The following ADAMTS13 variants were observed in gnomAD, a reference collection of about 807,000 sequenced individuals.
The protein encoded by ADAMTS13 is ADAM metallopeptidase with thrombospondin type 1 motif 13, also known as A disintegrin and metalloproteinase with thrombospondin motifs 13.
A neutral mutation model predicts 155.1 loss-of-function variants in ADAMTS13; 110 were observed. The ratio of observed to expected loss-of-function variants is 0.71; its 90% CI spans 0.61 to 0.83. The LOEUF is 0.83. ADAMTS13 is among the 40% of genes least tolerant of loss of function. The pLI is 0.00. For synonymous variants in ADAMTS13, 758 were observed against 756.4 expected, an observed-to-expected ratio of 1.00 and a Z score of -0.03; for missense variants, 1,707 against 1,891.7, an observed-to-expected ratio of 0.90 and a Z score of 1.81.
In ADAMTS13 at chr9:133,442,518, G is replaced by C. The variant is rs782288267; in HGVS notation, c.2088G>C (p.Ser696=). The C allele has an allele frequency of 1.2e-6, 2 of 1,613,650 alleles. No homozygotes were observed. The highest frequency in any genetic ancestry group is 1.1e-5 in the South Asian group (1 of 91,082). ...GGGCCGCTGTGCGTGGGCCCTGCTC[G>C]GTGAGCTGTGGGGCAGGTGAGACCT... is the stretch of plus-strand genomic sequence containing the variant. The part of the protein sequence containing the change: ...WVWAAVRGPC[S]VSCGAGLRWV... The change falls in exon 17 of 29, where the codon TCG becomes TCC. Residue 696 remains serine, a synonymous_variant. Transcript: ENST00000355699.
chr9:133,443,305 A>C (rs1588184240), intron 18 of ADAMTS13, 71 bp from the exon 19 acceptor site: 1 of 1,526,336 alleles, frequency 6.6e-7, no homozygotes, highest in Non-Finnish European at 8.8e-7. Flanking sequence ...GTACATCAGC[A>C]CCTGCCACCC....
chr9:133,449,672 C>T, intron 22 of ADAMTS13, 111 bp from the exon 23 acceptor site: 1 of 1,308,156 alleles, frequency 7.6e-7, no homozygotes, highest in Non-Finnish European at 1.1e-6. Flanking sequence ...TCTCCGGGCC[C>T]TTCCCAGCTT....
Position 133,426,207 on chromosome 9 carries a change from T to A in ADAMTS13, c.548T>A (p.Leu183Gln), listed in dbSNP as rs1554785228. 5 of 1,613,920 alleles carry A rather than the reference T, an allele frequency of 3.1e-6. No individual in the cohort carries two copies. Among genetic ancestry groups the A allele is most frequent in the Non-Finnish European group, 4.2e-6 (5 of 1,179,994 alleles). The stretch of plus-strand genomic sequence containing the variant: ...TGTTTTCTCTCACCGAGGTTTGACC[T>A]GGAGTTGCCTGATGGTAACCGGCAG... ...DLVLYITRFD[L>Q]ELPDGNRQVR... The change falls in exon 6 of 29, where the codon CTG (leucine) becomes CAG (glutamine). Residue 183 changes from leucine to glutamine, a missense_variant. By Grantham distance (113) the Leu-to-Gln change is moderately radical. This residue lies in a region of ADAMTS13 where 733 missense variants were observed against 749.6 expected (regional missense o/e 0.98). Transcript: ENST00000355699.
In ADAMTS13 at chr9:133,429,935, G is replaced by T; in HGVS notation, c.825-4G>T. The T allele has an allele frequency of 6.5e-7, 1 of 1,535,090 alleles. No homozygotes were observed. The highest frequency in any genetic ancestry group is 8.7e-7 in the Non-Finnish European group (1 of 1,145,614). ...AGCCGGGCCTGAGCCGGGCCTTGTC[G>T]CAGCGCAGGACGGGCGCGCTGCGTG... is the stretch of plus-strand genomic sequence containing the variant. On this transcript the variant is annotated splice_polypyrimidine_tract_variant and splice_region_variant and intron_variant, in intron 7 of 28. Coordinates refer to ENST00000355699, the MANE Select transcript of ADAMTS13 (RefSeq NM_139027.6).
intron 12 of ADAMTS13, 82 bp from the exon 13 acceptor site, chr9:133,437,667 C>T: frequency 1.9e-6 from 3 of 1,563,368 alleles, no homozygotes; most frequent in Non-Finnish European, 2.6e-6. Context: ...GCCCCAGATG[C>T]AAAGGATGAA....
chr9:133,444,371 AAGAC>A (rs1588186890), intron 19 of ADAMTS13, among the ~76,000 whole-genome samples: 1 of 151,878 alleles, frequency 6.6e-6, no homozygotes, highest in Admixed American at 6.5e-5. Flanking sequence ...TTTTTATTAA[AAGAC>A]AGAGTCTTGT....
At position 133,425,788 on chromosome 9, in the gene ADAMTS13, C is replaced by G. The variant is rs1228446795; in HGVS notation, c.415-150C>G. 1 of 1,456,866 alleles carries G rather than the reference C, an allele frequency of 6.9e-7. No homozygotes were observed. The highest frequency in any genetic ancestry group is 1.4e-5 in the African/African-American group (1 of 71,314). 90.2% of individuals were successfully genotyped at this position (1,456,866 alleles called of 1,614,324 possible). A position where few individuals can be genotyped will look rare whatever the true frequency, so the allele number is the denominator to read the frequency against. On this transcript the variant is annotated intron_variant, in intron 4 of 28. Coordinates refer to ENST00000355699, the MANE Select transcript of ADAMTS13 (RefSeq NM_139027.6). The surrounding 1 kb of genome is among the most constrained non-coding windows in gnomAD (Gnocchi z 4.6). The stretch of plus-strand genomic sequence containing the variant: ...CTACCCAGCACTCAGCACAGGCTGC[C>G]TGACTACTTCTCTGAGCCTCAGTTG...
At chr9:133,458,186 C>T (rs1842856569) in intron 28 of ADAMTS13, 92 bp downstream of exon 28, 2 of 1,415,848 alleles carry the variant, frequency 1.4e-6, no homozygotes, top group Non-Finnish European at 9.7e-7. Flanking sequence ...TTATTTCAGA[C>T]TAAAACCCTC....
chr9:133,440,020 C>A lies in ADAMTS13; in HGVS notation c.1787-324C>A, dbSNP rs1841542824. Among the ~76,000 whole-genome samples, 1 of 152,260 alleles carries A rather than the reference C, an allele frequency of 6.6e-6. No individual in the cohort carries two copies. Among genetic ancestry groups the A allele is most frequent in the African/African-American group, 2.4e-5 (1 of 41,466 alleles). ...AAGCTGGACTTCTCTTTGGGCAAGGCCCGCTTCTTTGCTATTGAGGGCCAC... is the reference window on the plus strand; with the variant it reads ...AAGCTGGACTTCTCTTTGGGCAAGGACCGCTTCTTTGCTATTGAGGGCCAC... On this transcript the variant is annotated intron_variant, in intron 15 of 28. Transcript: ENST00000355699. The surrounding 1 kb of genome is among the most constrained non-coding windows in gnomAD (Gnocchi z 4.3).
rs886063634 is a variant in ADAMTS13, at chr9:133,448,591, C to T, written c.2732-8C>T. Reference sequence around the variant, plus strand: ...TTGGGGCTCTGGGTCTCTGCTTTGTCCACGCAGGTCTGATGGAGCTGCGTT... The same window carrying T: ...TTGGGGCTCTGGGTCTCTGCTTTGTTCACGCAGGTCTGATGGAGCTGCGTT... On this transcript the variant is annotated splice_region_variant and splice_polypyrimidine_tract_variant and intron_variant, in intron 21 of 28. Coordinates refer to ENST00000355699, the MANE Select transcript of ADAMTS13 (RefSeq NM_139027.6). The T allele has an allele frequency of 2.5e-6, 4 of 1,609,026 alleles. No homozygotes were observed. The highest frequency in any genetic ancestry group is 3.4e-6 in the Non-Finnish European group (4 of 1,179,792).
At chr9:133,447,528 A>C (rs1034931945) in intron 21 of ADAMTS13, among the ~76,000 whole-genome samples, 1 of 152,162 alleles carries the variant, frequency 6.6e-6, no homozygotes, top group African/African-American at 2.4e-5. Context: ...CGGCCTCTCA[A>C]AGTGCTGGGA....
Position 133,425,445 on chromosome 9 carries a change from T to G in ADAMTS13, c.331-84T>G. 11 of 1,286,476 alleles carry G rather than the reference T, an allele frequency of 8.6e-6. No individual in the cohort carries two copies. Among genetic ancestry groups the G allele is most frequent in the Non-Finnish European group, 1.2e-5 (11 of 913,106 alleles). The allele number at this position is 1,286,476 out of a possible 1,614,324, so 79.7% of individuals were successfully genotyped here. ...GAGTAGCCTCTCCAGCTCTTCACAC[T>G]CCGGGGGCCCCTGGGAGTCAGCAGC... On this transcript the variant is annotated intron_variant, in intron 3 of 28. Transcript: ENST00000355699. The surrounding 1 kb of genome is among the most constrained non-coding windows in gnomAD (Gnocchi z 4.6).
chr9:133,415,847 C>T (rs906948588), intron 1 of ADAMTS13: 13 of 152,270 alleles, frequency 8.5e-5, no homozygotes, highest in South Asian at 6.2e-4. Context: ...GGGAATTTGA[C>T]TGGTCCTGTG....
Position 133,425,499 on chromosome 9 carries a change from G to T in ADAMTS13, c.331-30G>T. The stretch of plus-strand genomic sequence containing the variant: ...CTGGGGCTGGCAATGCCCACCCGAC[G>T]GGTTACCTCTCTCATCTGCCCTTGC... On this transcript the variant is annotated intron_variant, in intron 3 of 28. Transcript: ENST00000355699. The surrounding 1 kb of genome is among the most constrained non-coding windows in gnomAD (Gnocchi z 4.6). 6.2e-7 allele frequency: 1 copy of T among 1,602,524 alleles called. No individual in the cohort carries two copies.
chr9:133,443,456 C>T lies in ADAMTS13; in HGVS notation c.2315C>T (p.Ala772Val). ...LRERPVRCVEAQGSLLKTLPP... is the reference protein window; with the variant it reads ...LRERPVRCVEVQGSLLKTLPP... ...GAGCGGCCAGTGCGCTGCGTGGAGGCCCAGGGCAGCCTCCTGAAGACATTG... is the reference window on the plus strand; with the variant it reads ...GAGCGGCCAGTGCGCTGCGTGGAGGTCCAGGGCAGCCTCCTGAAGACATTG... The change falls in exon 19 of 29, where the codon GCC becomes GTC. Residue 772 changes from alanine to valine, a missense_variant. By Grantham distance (64) the Ala-to-Val change is moderately conservative. This residue lies in a region of ADAMTS13 where 961 missense variants were observed against 1,107.9 expected (regional missense o/e 0.87). Coordinates refer to ENST00000355699, the MANE Select transcript of ADAMTS13 (RefSeq NM_139027.6). 1 of 1,592,160 alleles carries T rather than the reference C, an allele frequency of 6.3e-7. No homozygotes were observed. The highest frequency in any genetic ancestry group is 8.5e-7 in the Non-Finnish European group (1 of 1,174,874).
rs1387967134 is a variant in ADAMTS13 at position 133,422,529 on chromosome 9, G to C, written c.86G>C (p.Gly29Ala). The C allele has an allele frequency of 6.2e-7, 1 of 1,614,120 alleles. No individual in the cohort carries two copies. The highest frequency in any genetic ancestry group is 1.7e-5 in the Admixed American group (1 of 60,018). Residue 29 changes from glycine (G) to alanine (A), a missense_variant, in exon 1 of 29, where the codon GGA becomes GCA. Transcript: ENST00000355699. ...LACGFLLGCW[G>A]PSHFQQSCLQ... ...TGTGGCTTTCTCCTGGGCTGCTGGGGACCCTCCCATTTCCAGCAGGTGGGC... is the reference window on the plus strand; with the variant it reads ...TGTGGCTTTCTCCTGGGCTGCTGGGCACCCTCCCATTTCCAGCAGGTGGGC...
At chr9:133,452,548 T>C (rs890036094) in intron 23 of ADAMTS13, among the ~76,000 whole-genome samples, 5 of 152,186 alleles carry the variant, frequency 3.3e-5, no homozygotes, top group Non-Finnish European at 7.3e-5. Flanking sequence ...GATCTGGGAT[T>C]TTATGGGAAT....
intron 23 of ADAMTS13, among the ~76,000 whole-genome samples, chr9:133,451,888 C>T (rs1451719747): frequency 1.0e-5 from 1 of 95,908 alleles, no homozygotes; most frequent in Non-Finnish European, 2.0e-5. Context: ...GCATGAGACC[C>T]TGTCTCAAAA....
rs1554795057 is a variant in ADAMTS13 at position 133,454,382 on chromosome 9, C to G, written c.3045-33C>G. 4 of 1,612,052 alleles carry G rather than the reference C, an allele frequency of 2.5e-6. No homozygotes were observed. In the Admixed American group the frequency reaches 5.0e-5, roughly 20 times the overall value. ...GGGGCAGTACTGTCTCTGGGGAGAC[C>G]TAGCCTCTCTCTGGGGTCTTCTCTT... On this transcript the variant is annotated intron_variant, in intron 23 of 28. Transcript: ENST00000355699.
Sources: allele counts gnomAD v4.1 joint callset (sites outside exome capture counted in the v4.1 genomes callset), GRCh38; gene constraint gnomAD v4.1.1; regional missense constraint gnomAD v4.1.1; non-coding constraint Gnocchi (gnomAD v3.1); transcripts MANE v1.5; gene names NCBI Gene and HGNC (gene_info 2026-07-23, HGNC 2026-07-21).